Variants in CFAP92 observed in about 807,000 individuals in gnomAD.
The protein encoded by CFAP92 is cilia and flagella associated protein 92 (putative).
CFAP92 carries 86 observed loss-of-function variants against 106.3 expected under a neutral mutation model. That is an observed-to-expected ratio of 0.81 (90% confidence interval 0.68 to 0.97). The LOEUF (loss-of-function observed/expected upper bound fraction) is 0.97, where lower values mean the gene tolerates loss of function less well. Ranked by LOEUF, CFAP92 falls within the 50% of genes least tolerant of loss-of-function variation. CFAP92 has a pLI of 0.00. For missense variants in CFAP92, 1,204 were observed against 1,283.8 expected (o/e 0.94, Z 0.95); for synonymous variants, 477 against 506.4 (o/e 0.94, Z 0.78).
intron 9 of CFAP92, among the ~76,000 whole-genome samples, chr3:128,963,533 T>C (rs139978894): frequency 0.02 from 3,082 of 152,186 alleles, 117 homozygotes; most frequent in African/African-American, 0.07. Flanking sequence ...TGGCCCGGAC[T>C]TCAATCTGGC....
intron 1 of CFAP92, 96 bp from the exon 2 acceptor site, chr3:128,993,432 C>T: frequency 1.6e-6 from 2 of 1,281,558 alleles, no homozygotes; most frequent in East Asian, 2.5e-5. Flanking sequence ...CCCTTCTCTT[C>T]CCTGCTTCCC....
At chr3:128,978,633 C>T (rs1465461272) in intron 4 of CFAP92, among the ~76,000 whole-genome samples, 2 of 152,014 alleles carry the variant, frequency 1.3e-5, no homozygotes, top group South Asian at 2.1e-4. Flanking sequence ...CAGAACAGAG[C>T]CCTCAGAAAT....
intron 4 of CFAP92, among the ~76,000 whole-genome samples, chr3:128,980,082 T>C (rs536342223): frequency 2.0e-5 from 3 of 151,690 alleles, no homozygotes; most frequent in Admixed American, 1.3e-4. Context: ...TGCTAAAATA[T>C]ATTACAGGCT....
upstream of CFAP92, chr3:129,003,996 G>A (rs1221621631): frequency 6.0e-6 from 9 of 1,501,996 alleles, no homozygotes; most frequent in Non-Finnish European, 7.9e-6. Flanking sequence ...CACCGCGTGC[G>A]AGAGCTGGAG....
At position 128,944,556 on chromosome 3, in the gene CFAP92, G is replaced by A. The variant is rs75491052; in HGVS notation, c.2258+515C>T. Among the ~76,000 whole-genome samples the A allele has an allele frequency of 5.2e-3, 795 of 152,324 alleles. 2 individuals are homozygous for A. The highest frequency in any genetic ancestry group is 9.4e-3 in the Non-Finnish European group (638 of 68,028). On this transcript the variant is annotated intron_variant, in intron 10 of 15. Transcript: ENST00000645291. ...CTAGTATACTTGCAAATTGTGAAAGGAAGGGAGAGGTGTCATGTCACCAAA... is the reference window on the plus strand; with the variant it reads ...CTAGTATACTTGCAAATTGTGAAAGAAAGGGAGAGGTGTCATGTCACCAAA...
chr3:129,018,686 C>A, the CFAP92 span, among the ~76,000 whole-genome samples: 115 of 152,340 alleles, frequency 7.5e-4, 1 homozygote, highest in Non-Finnish European at 1.2e-3. Flanking sequence ...TGGGCAGGGG[C>A]AGGGATGGAC....
intron 1 of CFAP92, chr3:129,002,357 G>A (rs1354633284): frequency 5.6e-5 from 83 of 1,495,234 alleles, no homozygotes; most frequent in Non-Finnish European, 6.9e-5. Flanking sequence ...GGGTGGTAAC[G>A]CCCGGGAGAG....
At chr3:129,012,724 G>T in the CFAP92 span, among the ~76,000 whole-genome samples, 1 of 152,310 alleles carries the variant, frequency 6.6e-6, no homozygotes, top group Admixed American at 6.5e-5. Flanking sequence ...CCAAAACGAA[G>T]GTTGGTGCTG....
intron 15 of CFAP92, among the ~76,000 whole-genome samples, chr3:128,911,675 C>G (rs565395095): frequency 2.2e-3 from 339 of 152,344 alleles, no homozygotes; most frequent in Admixed American, 5.0e-3. Flanking sequence ...CCCCTGACCT[C>G]AGGTGATCCG....
the CFAP92 span, among the ~76,000 whole-genome samples, chr3:129,021,079 G>C: frequency 6.6e-6 from 1 of 152,158 alleles, no homozygotes; most frequent in Non-Finnish European, 1.5e-5. Context: ...TGACTGGAAG[G>C]GTGGTGCTCC....
intron 15 of CFAP92, among the ~76,000 whole-genome samples, chr3:128,914,121 G>A (rs1463465821): frequency 6.6e-6 from 1 of 152,206 alleles, no homozygotes; most frequent in African/African-American, 2.4e-5. Context: ...ACCCCAGCAA[G>A]TGTTTCTTAA....
At chr3:128,997,271 C>T (rs865950971), upstream of CFAP92, among the ~76,000 whole-genome samples, 8 of 152,340 alleles carry the variant, frequency 5.3e-5, no homozygotes, top group South Asian at 6.2e-4. Context: ...GAATCAGCTA[C>T]ATACACCTTC....
At chr3:129,016,154 C>T in the CFAP92 span, among the ~76,000 whole-genome samples, 1 of 152,192 alleles carries the variant, frequency 6.6e-6, no homozygotes, top group Non-Finnish European at 1.5e-5. Flanking sequence ...GATGCCTTGA[C>T]CGCTCCCTTG....
chr3:128,980,163 G>C (rs1943438160), intron 4 of CFAP92, among the ~76,000 whole-genome samples: 1 of 151,676 alleles, frequency 6.6e-6, no homozygotes, highest in Non-Finnish European at 1.5e-5. Context: ...TTGAGGCCAG[G>C]AGTTCAAGAC....
At position 128,978,200 on chromosome 3, in the gene CFAP92, A is replaced by G. The variant is rs763194724; in HGVS notation, c.668-15T>C. The G allele has an allele frequency of 2.1e-5, 34 of 1,609,176 alleles. No individual in the cohort carries two copies. The highest frequency in any genetic ancestry group is 2.9e-5 in the Non-Finnish European group (34 of 1,177,028). On this transcript the variant is annotated splice_polypyrimidine_tract_variant and intron_variant, in intron 4 of 15. Transcript: ENST00000645291. ...ATGTCTCACTTCTAGAATGCAGGAG[A>G]AGAAAGGATCATTGACTCAATCAAT...
chr3:128,976,044 G>C, intron 6 of CFAP92, 141 bp from the exon 7 acceptor site: 1 of 734,608 alleles, frequency 1.4e-6, no homozygotes, highest in Non-Finnish European at 2.0e-6. Flanking sequence ...GTGCTTCTCA[G>C]TTTTCAATGT....
intron 12 of CFAP92, among the ~76,000 whole-genome samples, chr3:128,929,274 T>G (rs6767104): frequency 0.38 from 57,672 of 152,014 alleles, 12,314 homozygotes; most frequent in African/African-American, 0.57. Context: ...AGTGTTTGTA[T>G]GAATGCAGAG....
chr3:128,927,251 C>T (rs1937765087), intron 12 of CFAP92, among the ~76,000 whole-genome samples: 1 of 152,036 alleles, frequency 6.6e-6, no homozygotes, highest in South Asian at 2.1e-4. Context: ...GACGTTCCAG[C>T]CTCCAGAATA....
chr3:128,922,194 T>C (rs546430009), intron 12 of CFAP92, among the ~76,000 whole-genome samples: 12 of 151,524 alleles, frequency 7.9e-5, no homozygotes, highest in Non-Finnish European at 1.3e-4. Context: ...AAAAAAAAAA[T>C]TAGCTGGGCA....
Sources: gnomAD v4.1 joint callset for allele counts (sites outside exome capture counted in the v4.1 genomes callset) on GRCh38, gnomAD v4.1.1 for gene constraint, MANE v1.5 for transcripts, NCBI Gene and HGNC (gene_info 2026-07-23, HGNC 2026-07-21) for gene names.